Variants in ASCC3 observed in about 807,000 individuals in gnomAD.
ASCC3 encodes the protein activating signal cointegrator 1 complex subunit 3, also known as ASC-1 complex subunit P200.
ASCC3 carries 158 observed loss-of-function variants against 256.3 expected under a neutral mutation model. The observed-to-expected ratio is 0.62, with a 90% CI of 0.54 to 0.70. The LOEUF (loss-of-function observed/expected upper bound fraction) is 0.70, where lower values mean the gene tolerates loss of function less well. ASCC3 is among the 30% of genes least tolerant of loss of function. The probability of loss-of-function intolerance (pLI) is 0.00; values close to 1 mark genes in which losing one functional copy is unlikely to be tolerated. For missense variants in ASCC3, 2,259 were observed against 2,626.0 expected (o/e 0.86, Z 3.05); for synonymous variants, 948 against 883.4 (o/e 1.07, Z -1.30).
At chr6:100,785,511 C>T (rs1769019967) in intron 8 of ASCC3, among the ~76,000 whole-genome samples, 1 of 152,090 alleles carries the variant, frequency 6.6e-6, no homozygotes, top group Non-Finnish European at 1.5e-5. Flanking sequence ...AAGTGAACCT[C>T]CCACATAAGC....
chr6:100,675,780 G>A (rs988928103), intron 14 of ASCC3, among the ~76,000 whole-genome samples: 2 of 152,046 alleles, frequency 1.3e-5, no homozygotes, highest in Non-Finnish European at 2.9e-5. Context: ...TCACATCAGG[G>A]CCATAAATCA....
In ASCC3 at chr6:100,798,872, TA is replaced by T. The variant is rs756020806; in HGVS notation, c.1270-35del. The T allele has an allele frequency of 2.6e-6, 4 of 1,554,998 alleles. No individual in the cohort carries two copies. In the Admixed American group the frequency reaches 6.7e-5, roughly 26 times the overall value. ...ATCAACAATAAAAATCCAATAATAA[TA>T]AAAAATAAAACACTTGCTCTGGTAA... On this transcript the variant is annotated intron_variant, in intron 7 of 41. Transcript: ENST00000369162.
Position 100,629,110 on chromosome 6 carries a change from G to C in ASCC3, c.4280C>G (p.Thr1427Arg). ...GCTGACTCCATCCCACTTCTCTGGC[G>C]TAGTGACGATAAGGTCAGCCTTGGC... ...SIAKADLIVT[T>R]PEKWDGVSRS... is the part of the protein sequence containing the mutation. Residue 1427 changes from threonine (T) to arginine (R), a missense_variant, in exon 27 of 42, where the codon ACG becomes AGG. Coordinates refer to ENST00000369162, the MANE Select transcript of ASCC3 (RefSeq NM_006828.4). 6.2e-7 allele frequency: 1 copy of C among 1,613,666 alleles called. No individual in the cohort carries two copies. The highest frequency in any genetic ancestry group is 1.1e-5 in the South Asian group (1 of 91,054).
At chr6:100,868,156 T>C (rs1420512194) in intron 1 of ASCC3, 118 bp from the exon 2 acceptor site, 8 of 638,030 alleles carry the variant, frequency 1.3e-5, no homozygotes, top group African/African-American at 3.7e-5. Context: ...GCAATTGTTA[T>C]CAACGTTGAA....
intron 10 of ASCC3, among the ~76,000 whole-genome samples, chr6:100,729,220 G>C (rs1779781010): frequency 6.6e-6 from 1 of 152,028 alleles, no homozygotes; most frequent in Non-Finnish European, 1.5e-5. Flanking sequence ...GAGAGGGAGA[G>C]GACTAGAGAA....
At chr6:100,763,538 C>T (rs1191801316) in intron 10 of ASCC3, among the ~76,000 whole-genome samples, 2 of 152,108 alleles carry the variant, frequency 1.3e-5, no homozygotes, top group Non-Finnish European at 2.9e-5. Context: ...TTTTGCAAAG[C>T]TTCGGGAGAG....
intron 22 of ASCC3, among the ~76,000 whole-genome samples, chr6:100,644,944 T>C (rs1775308130): frequency 6.6e-6 from 1 of 152,188 alleles, no homozygotes; most frequent in South Asian, 2.1e-4. Flanking sequence ...TTCCTGGTCT[T>C]TGAATGACAT....
intron 10 of ASCC3, among the ~76,000 whole-genome samples, chr6:100,730,761 C>T (rs1396333295): frequency 6.6e-6 from 1 of 152,162 alleles, no homozygotes; most frequent in Non-Finnish European, 1.5e-5. Context: ...TGACAGCTTG[C>T]AGATTATACC....
chr6:100,641,355 AC>A (rs1775112265), intron 24 of ASCC3, among the ~76,000 whole-genome samples: 1 of 152,136 alleles, frequency 6.6e-6, no homozygotes, highest in Non-Finnish European at 1.5e-5. Flanking sequence ...CCTCTCCAGC[AC>A]CTGTTGTTTC....
chr6:100,621,730 A>C (rs972295174), intron 30 of ASCC3, among the ~76,000 whole-genome samples: 3 of 152,202 alleles, frequency 2.0e-5, no homozygotes, highest in African/African-American at 7.2e-5. Context: ...CAGAAATCCC[A>C]TTACTGGGCA....
Position 100,661,514 on chromosome 6 carries a change from AT to A in ASCC3, c.2703+291del, listed in dbSNP as rs780454523. 1.1e-3 allele frequency among the ~76,000 whole-genome samples: 160 copies of A among 152,018 alleles called. 1 individual carries two copies. The highest frequency in any genetic ancestry group is 2.4e-3 in the Admixed American group (36 of 15,220). ...AAGTGCCATACAAATATTAATTATT[AT>A]TGCTATTTCTGTTTCCATATTTTCT... On this transcript the variant is annotated intron_variant, in intron 16 of 41. Transcript: ENST00000369162.
chr6:100,841,991 T>C (rs182959660), intron 4 of ASCC3, among the ~76,000 whole-genome samples: 3 of 152,302 alleles, frequency 2.0e-5, no homozygotes, highest in Non-Finnish European at 4.4e-5. Context: ...TCCATGATTC[T>C]AAACATTCTT....
chr6:100,732,152 C>T (rs950285413), intron 10 of ASCC3, among the ~76,000 whole-genome samples: 3 of 137,250 alleles, frequency 2.2e-5, no homozygotes, highest in African/African-American at 8.2e-5. Context: ...CAAAGCGAGA[C>T]TCCGTCTCAA....
chr6:100,662,362 G>T lies in ASCC3; in HGVS notation c.2461C>A (p.His821Asn). The T allele has an allele frequency of 6.2e-7, 1 of 1,612,822 alleles. No homozygotes were observed. The highest frequency in any genetic ancestry group is 8.5e-7 in the Non-Finnish European group (1 of 1,179,248). ...GCTCTTACCTTAATAATAACAGCAT[G>T]GGCGGGAAGATTGACACCCCAGGCT... ...TLAWGVNLPA[H>N]AVIIKGTQIY... Residue 821 changes from histidine to asparagine, a missense_variant, in exon 15 of 42, where the codon CAT becomes AAT. His to Asn is a moderately conservative substitution (Grantham distance 68). This residue lies in a region of ASCC3 where 1,839 missense variants were observed against 2,206.7 expected (regional missense o/e 0.83). Coordinates refer to ENST00000369162, the MANE Select transcript of ASCC3 (RefSeq NM_006828.4).
At chr6:100,756,080 G>T (rs949874698) in intron 10 of ASCC3, among the ~76,000 whole-genome samples, 5 of 151,532 alleles carry the variant, frequency 3.3e-5, no homozygotes, top group Admixed American at 6.6e-5. Flanking sequence ...AATTTATCAA[G>T]AATTTTTCTA....
At chr6:100,789,888 C>A (rs546079563) in intron 8 of ASCC3, among the ~76,000 whole-genome samples, 1 of 151,858 alleles carries the variant, frequency 6.6e-6, no homozygotes, top group Admixed American at 6.6e-5. Flanking sequence ...TCATATAACT[C>A]TGAAATTTAC....
chr6:100,597,680 T>C (rs921743104), intron 34 of ASCC3, among the ~76,000 whole-genome samples: 3 of 149,512 alleles, frequency 2.0e-5, no homozygotes, highest in African/African-American at 7.4e-5. Context: ...TGGTCAAGAG[T>C]GGATAAACTG....
chr6:100,579,616 T>C (rs1355574150), intron 36 of ASCC3, among the ~76,000 whole-genome samples: 2 of 151,804 alleles, frequency 1.3e-5, no homozygotes, highest in Non-Finnish European at 2.9e-5. Context: ...TCCCATTTTT[T>C]TTGGTTAACA....
At chr6:100,867,685 A>G (rs888949512) in intron 2 of ASCC3, among the ~76,000 whole-genome samples, 1 of 152,170 alleles carries the variant, frequency 6.6e-6, no homozygotes, top group Non-Finnish European at 1.5e-5. Flanking sequence ...AAAGGATTCA[A>G]TTATCATAGT....
Sources: allele counts gnomAD v4.1 joint callset (sites outside exome capture counted in the v4.1 genomes callset), GRCh38; gene constraint gnomAD v4.1.1; regional missense constraint gnomAD v4.1.1; transcripts MANE v1.5; gene names NCBI Gene and HGNC (gene_info 2026-07-23, HGNC 2026-07-21).